The following EYS variants were observed in gnomAD, a reference collection of about 807,000 sequenced individuals.
The protein encoded by EYS is protein eyes shut homolog.
Under a neutral mutation model 282.1 loss-of-function variants are expected in EYS, and 250 were observed. That is an observed-to-expected ratio of 0.89 (90% CI 0.80 to 0.98). The LOEUF (loss-of-function observed/expected upper bound fraction) is 0.98, where lower values mean the gene tolerates loss of function less well. Ranked by LOEUF, EYS falls within the 50% of genes least tolerant of loss-of-function variation. The pLI, the probability that EYS is intolerant of heterozygous loss-of-function variation, is 0.00. For synonymous variants in EYS, 1,355 were observed against 1,282.9 expected (o/e 1.06, Z -1.20); for missense variants, 4,016 against 3,709.0 (o/e 1.08, Z -2.15).
chr6:63,727,737 A>AAAAAAAATATATATATATATATAT (rs1554164607), intron 41 of EYS, among the ~76,000 whole-genome samples: 1 of 36,734 alleles, frequency 2.7e-5, no homozygotes, highest in Non-Finnish European at 4.3e-5. Flanking sequence ...AAAAAAAAAA[A>AAAAAAAATATATATATATATATAT]ATATATATAT....
intron 33 of EYS, among the ~76,000 whole-genome samples, chr6:64,041,926 C>G (rs1562170043): frequency 6.6e-6 from 1 of 152,094 alleles, no homozygotes; most frequent in Non-Finnish European, 1.5e-5. Flanking sequence ...GTTCTTTTCA[C>G]TCTCATCATG....
At chr6:64,476,479 G>A (rs1016879120) in intron 26 of EYS, among the ~76,000 whole-genome samples, 42 of 152,070 alleles carry the variant, frequency 2.8e-4, no homozygotes, top group African/African-American at 1.0e-3. Flanking sequence ...AGATCTCTGG[G>A]TATATCCAAG....
intron 12 of EYS, among the ~76,000 whole-genome samples, chr6:65,111,438 A>G (rs1279045569): frequency 6.6e-6 from 1 of 152,198 alleles, no homozygotes; most frequent in African/African-American, 2.4e-5. Context: ...ATATTTATTA[A>G]TACAATGTAT....
intron 7 of EYS, among the ~76,000 whole-genome samples, chr6:65,394,749 G>A (rs1766207911): frequency 6.6e-6 from 1 of 152,034 alleles, no homozygotes; most frequent in Non-Finnish European, 1.5e-5. Context: ...AAGCAGCTCT[G>A]TACACTTCTT....
In EYS at chr6:65,167,253, T is replaced by G. The variant is rs1430780693; in HGVS notation, c.2024-109526A>C. Among the ~76,000 whole-genome samples the G allele has an allele frequency of 3.3e-5, 5 of 151,310 alleles. No homozygotes were observed. The East Asian group carries it at 9.8e-4, about 30-fold the overall frequency. On this transcript the variant is annotated intron_variant, in intron 12 of 42. Coordinates refer to ENST00000503581, the MANE Select transcript of EYS (RefSeq NM_001142800.2). ...ATGATGATAGCCCAAATGTATCAAC[T>G]GATGAATGAATAAACAAATGTGGTA...
chr6:65,167,764 T>C (rs1184164526), intron 12 of EYS, among the ~76,000 whole-genome samples: 1 of 151,372 alleles, frequency 6.6e-6, no homozygotes, highest in African/African-American at 2.4e-5. Flanking sequence ...TCCAAGTGCC[T>C]GTATTTTATA....
At chr6:65,171,186 C>A (rs147497360) in intron 12 of EYS, among the ~76,000 whole-genome samples, 88 of 151,628 alleles carry the variant, frequency 5.8e-4, no homozygotes, top group African/African-American at 1.8e-3. Flanking sequence ...CAAACCAAAC[C>A]AGTTTCCTGA....
At chr6:63,973,853 A>G (rs1473784077) in intron 35 of EYS, among the ~76,000 whole-genome samples, 1 of 152,112 alleles carries the variant, frequency 6.6e-6, no homozygotes, top group East Asian at 1.9e-4. Flanking sequence ...TTGGCTTCAA[A>G]TCACTCAAGG....
At chr6:65,667,282 A>T (rs1321956400) in intron 1 of EYS, among the ~76,000 whole-genome samples, 2 of 151,908 alleles carry the variant, frequency 1.3e-5, no homozygotes, top group Non-Finnish European at 2.9e-5. Flanking sequence ...TGCTTAAAAT[A>T]CAACTAAATT....
chr6:65,400,450 A>G (rs1315150362), intron 7 of EYS, among the ~76,000 whole-genome samples: 1 of 151,864 alleles, frequency 6.6e-6, no homozygotes, highest in East Asian at 1.9e-4. Flanking sequence ...CTTGTGTGCT[A>G]CCTGCTCCCA....
intron 26 of EYS, among the ~76,000 whole-genome samples, chr6:64,566,706 G>T (rs996452512): frequency 1.3e-5 from 2 of 152,066 alleles, no homozygotes; most frequent in African/African-American, 4.8e-5. Flanking sequence ...TGTATTAAAA[G>T]AAAACATGTA....
intron 35 of EYS, among the ~76,000 whole-genome samples, chr6:63,874,346 T>G (rs1354711013): frequency 6.6e-6 from 1 of 152,220 alleles, no homozygotes; most frequent in African/African-American, 2.4e-5. Context: ...TCTGTTCCAT[T>G]GGTCTATATC....
intron 12 of EYS, among the ~76,000 whole-genome samples, chr6:65,081,312 C>A (rs1334094160): frequency 6.6e-6 from 1 of 151,940 alleles, no homozygotes; most frequent in African/African-American, 2.4e-5. Flanking sequence ...AGTGGGGACC[C>A]ATAGCTAACC....
intron 22 of EYS, among the ~76,000 whole-genome samples, chr6:64,665,341 CTTTGAGTAAGGGA>C (rs1398659217): frequency 6.6e-6 from 1 of 152,036 alleles, no homozygotes; most frequent in African/African-American, 2.4e-5. Context: ...GTTGTAAGTG[CTTTGAGTAAGGGA>C]TTTATCCAAA....
intron 36 of EYS, among the ~76,000 whole-genome samples, chr6:63,846,665 C>T (rs1160354126): frequency 6.6e-6 from 1 of 152,168 alleles, no homozygotes; most frequent in African/African-American, 2.4e-5. Flanking sequence ...TTTCAAAGAG[C>T]TGTGTTAACT....
chr6:64,000,480 G>T (rs1308852845), intron 33 of EYS, among the ~76,000 whole-genome samples: 4 of 151,510 alleles, frequency 2.6e-5, no homozygotes, highest in Non-Finnish European at 5.9e-5. Context: ...GATTACAGGC[G>T]TGAGCCACCG....
At chr6:64,624,871 T>C (rs910841288) in intron 23 of EYS, among the ~76,000 whole-genome samples, 1 of 151,922 alleles carries the variant, frequency 6.6e-6, no homozygotes, top group Non-Finnish European at 1.5e-5. Flanking sequence ...ATAGGGACTA[T>C]TTTTTTTCTA....
chr6:64,686,591 T>A (rs9445152), intron 22 of EYS, among the ~76,000 whole-genome samples: 147,400 of 149,578 alleles, frequency 0.99, 72,655 homozygotes, highest in South Asian at 1. Flanking sequence ...AATACAAAAA[T>A]TTAGCGGGCC....
At chr6:64,409,132 C>A (rs1773808219) in intron 28 of EYS, among the ~76,000 whole-genome samples, 1 of 152,114 alleles carries the variant, frequency 6.6e-6, no homozygotes, top group African/African-American at 2.4e-5. Flanking sequence ...GATTTCATTC[C>A]CTTTTATGGC....
Sources: gnomAD v4.1 joint callset for allele counts (sites outside exome capture counted in the v4.1 genomes callset) on GRCh38, gnomAD v4.1.1 for gene constraint, MANE v1.5 for transcripts, NCBI Gene and HGNC (gene_info 2026-07-23, HGNC 2026-07-21) for gene names.